The following ITGA9 variants were observed in gnomAD, a reference collection of about 807,000 sequenced individuals.
ITGA9 encodes the protein integrin subunit alpha 9, also known as integrin alpha-9.
In ITGA9, 56 loss-of-function variants were observed where a neutral mutation model predicts 127.8. That is an observed-to-expected ratio of 0.44 (90% CI 0.35 to 0.55). ITGA9 has a LOEUF of 0.55. Among genes scored for constraint, ITGA9 ranks in the 20% least tolerant of loss-of-function variants. ITGA9 has a pLI of 0.00. For synonymous variants in ITGA9, 508 were observed against 514.5 expected, an observed-to-expected ratio of 0.99 and a Z score of 0.17; for missense variants, 1,196 against 1,347.1, an observed-to-expected ratio of 0.89 and a Z score of 1.76.
intron 18 of ITGA9, among the ~76,000 whole-genome samples, chr3:37,710,609 A>G (rs1282962278): frequency 1.3e-5 from 2 of 152,198 alleles, no homozygotes; most frequent in Non-Finnish European, 2.9e-5. Context: ...GAGTGACTAC[A>G]TAATTTAACC....
chr3:37,584,551 T>C (rs1226359480), intron 15 of ITGA9, among the ~76,000 whole-genome samples: 1 of 152,048 alleles, frequency 6.6e-6, no homozygotes, highest in South Asian at 2.1e-4. Context: ...GGTCAAGAGA[T>C]TGAGACCATC....
At chr3:37,609,108 GC>G (rs1699995015) in intron 15 of ITGA9, among the ~76,000 whole-genome samples, 1 of 152,144 alleles carries the variant, frequency 6.6e-6, no homozygotes, top group South Asian at 2.1e-4. Context: ...TGTCTGCCCT[GC>G]CTGTGAGACG....
chr3:37,650,253 C>G (rs1238263834), intron 16 of ITGA9, among the ~76,000 whole-genome samples: 2 of 152,096 alleles, frequency 1.3e-5, no homozygotes, highest in Non-Finnish European at 2.9e-5. Context: ...AAAAGTCCAC[C>G]CAGATTCCAG....
intron 18 of ITGA9, among the ~76,000 whole-genome samples, chr3:37,715,012 T>A (rs1701119690): frequency 2.6e-5 from 4 of 152,166 alleles, no homozygotes. Context: ...ACAATCATAA[T>A]ACTGGATTGA....
intron 23 of ITGA9, among the ~76,000 whole-genome samples, chr3:37,751,826 T>C (rs1410653370): frequency 1.3e-5 from 2 of 152,140 alleles, no homozygotes; most frequent in Non-Finnish European, 2.9e-5. Flanking sequence ...TTTTCAAAAC[T>C]ATATTTAGAA....
At chr3:37,773,669 T>C (rs1244546040) in intron 23 of ITGA9, among the ~76,000 whole-genome samples, 1 of 152,080 alleles carries the variant, frequency 6.6e-6, no homozygotes, top group Non-Finnish European at 1.5e-5. Flanking sequence ...GGGAATTGAC[T>C]GGCAAGGGAC....
intron 16 of ITGA9, among the ~76,000 whole-genome samples, chr3:37,642,381 A>G (rs572403955): frequency 6.6e-6 from 1 of 152,362 alleles, no homozygotes; most frequent in South Asian, 2.1e-4. Context: ...ATTGATCCGC[A>G]ACACCTGGCA....
intron 14 of ITGA9, 33 bp downstream of exon 14, chr3:37,533,501 C>G (rs1431307507): frequency 1.2e-6 from 2 of 1,609,752 alleles, no homozygotes; most frequent in East Asian, 4.5e-5. Context: ...CTCAGGATAC[C>G]CGTTTAGCTG....
intron 15 of ITGA9, among the ~76,000 whole-genome samples, chr3:37,569,323 G>A (rs1415489092): frequency 1.3e-5 from 2 of 152,158 alleles, no homozygotes; most frequent in Admixed American, 6.5e-5. Context: ...CTCCCACTGG[G>A]TCCTTCCCAT....
intron 15 of ITGA9, among the ~76,000 whole-genome samples, chr3:37,594,384 T>C (rs1699849261): frequency 6.6e-6 from 1 of 152,372 alleles, no homozygotes; most frequent in Admixed American, 6.5e-5. Flanking sequence ...CAAGCTCCTC[T>C]GCCTCTTCCT....
intron 23 of ITGA9, among the ~76,000 whole-genome samples, chr3:37,755,219 C>A (rs1696636245): frequency 6.6e-6 from 1 of 152,138 alleles, no homozygotes. Flanking sequence ...CCTGACACAG[C>A]TGCTAAAAAG....
intron 8 of ITGA9, among the ~76,000 whole-genome samples, chr3:37,512,073 TTTCCTTCCTTCCTTCCTTCCTTCC>T (rs1202058955): frequency 5.1e-5 from 2 of 39,234 alleles, no homozygotes; most frequent in African/African-American, 2.2e-4. Context: ...TCTTTCTTTC[TTTCCTTCCTTCCTTCCTTCCTTCC>T]TTCCTTCCTT....
chr3:37,542,182 G>A (rs757057613), intron 14 of ITGA9, among the ~76,000 whole-genome samples: 11 of 152,108 alleles, frequency 7.2e-5, no homozygotes, highest in Non-Finnish European at 1.3e-4. Context: ...AGGGAGAGCC[G>A]TGAAGTATGA....
At chr3:37,493,991 C>T (rs1047561787) in intron 4 of ITGA9, among the ~76,000 whole-genome samples, 6 of 152,144 alleles carry the variant, frequency 3.9e-5, no homozygotes, top group Non-Finnish European at 8.8e-5. Context: ...ATAGTGTAAC[C>T]GAATGCCAGA....
chr3:37,692,711 A>G (rs768441066), intron 18 of ITGA9, among the ~76,000 whole-genome samples: 33 of 152,086 alleles, frequency 2.2e-4, no homozygotes, highest in Non-Finnish European at 2.5e-4. Flanking sequence ...ACCAAGATAT[A>G]TAATTGTTCA....
chr3:37,681,301 G>A (rs1700732102), intron 17 of ITGA9, among the ~76,000 whole-genome samples: 1 of 152,236 alleles, frequency 6.6e-6, no homozygotes, highest in Non-Finnish European at 1.5e-5. Context: ...GAGGAGGCAA[G>A]TCTTAGTCCA....
At position 37,777,340 on chromosome 3, in the gene ITGA9, C is replaced by T. The variant is rs1696920513; in HGVS notation, c.2542-52C>T. ...CCTCTACAATAAGAGGCTCCAGCATCATGATTCATTCTTGAGAATGACTCC... is the reference window on the plus strand; with the variant it reads ...CCTCTACAATAAGAGGCTCCAGCATTATGATTCATTCTTGAGAATGACTCC... On this transcript the variant is annotated intron_variant, in intron 23 of 27. Transcript: ENST00000264741. 3.7e-6 allele frequency: 6 copies of T among 1,608,314 alleles called. No individual in the cohort carries two copies. The East Asian group carries it at 1.1e-4, about 30-fold the overall frequency.
At chr3:37,727,962 C>A (rs1371188234) in intron 18 of ITGA9, among the ~76,000 whole-genome samples, 1 of 152,188 alleles carries the variant, frequency 6.6e-6, no homozygotes, top group Non-Finnish European at 1.5e-5. Context: ...TGAAAGTCTG[C>A]ATCTTTTAGA....
At chr3:37,739,604 C>T (rs541700887) in intron 20 of ITGA9, among the ~76,000 whole-genome samples, 37 of 152,324 alleles carry the variant, frequency 2.4e-4, no homozygotes, top group Non-Finnish European at 3.8e-4. Context: ...TTGAACCTCT[C>T]CTCTCAGCAG....
Sources: allele counts gnomAD v4.1 joint callset (sites outside exome capture counted in the v4.1 genomes callset), GRCh38; gene constraint gnomAD v4.1.1; transcripts MANE v1.5; gene names NCBI Gene and HGNC (gene_info 2026-07-23, HGNC 2026-07-21).